The following MADCAM1 variants were observed in gnomAD, a reference collection of about 807,000 sequenced individuals.
The protein encoded by MADCAM1 is mucosal addressin cell adhesion molecule 1.
In MADCAM1, 19 loss-of-function variants were observed where a neutral mutation model predicts 26.1. The observed-to-expected ratio is 0.73, with a 90% CI of 0.51 to 1.07. The LOEUF (loss-of-function observed/expected upper bound fraction) is 1.07, where lower values mean the gene tolerates loss of function less well. MADCAM1 is among the 50% of genes least tolerant of loss of function. MADCAM1 has a pLI of 0.00. For missense variants in MADCAM1, 514 were observed against 542.1 expected, an observed-to-expected ratio of 0.95 and a Z score of 0.51; for synonymous variants, 268 against 260.9, an observed-to-expected ratio of 1.03 and a Z score of -0.26.
In MADCAM1 at chr19:503,837, C is replaced by T. The variant is rs994491221; in HGVS notation, c.929-908C>T. 8.3e-4 allele frequency among the ~76,000 whole-genome samples: 126 copies of T among 152,138 alleles called. 1 individual carries two copies. Among genetic ancestry groups the T allele is most frequent in the African/African-American group, 2.9e-3 (119 of 41,532 alleles). ...GCCAAGGAGGAGGATCACCTGAGGT[C>T]AGGAGTTCGAGACCAGCCTGGCCAA... On this transcript the variant is annotated intron_variant, in intron 4 of 4. Transcript: ENST00000215637.
In MADCAM1 at chr19:501,830, G is replaced by A. The variant is rs1002600698; in HGVS notation, c.829G>A (p.Gly277Ser). The A allele has an allele frequency of 1.7e-5, 25 of 1,486,862 alleles. No homozygotes were observed. The highest frequency in any genetic ancestry group is 2.1e-5 in the Non-Finnish European group (23 of 1,113,408). 92.1% of individuals were successfully genotyped at this position (1,486,862 alleles called of 1,614,324 possible). ...CTCCCCGGAGCCCGCCCCCCAGCAG[G>A]GCTCCACACACACCCCCAGGAGCCC... is the stretch of plus-strand genomic sequence containing the variant. ...KTSPEPAPQQ[G>S]STHTPRSPGS... The change falls in exon 4 of 5, where the codon GGC becomes AGC. Residue 277 changes from glycine (G) to serine (S), a missense_variant. Around this residue, in one of 3 missense-constraint regions of MADCAM1, gnomAD observed 45 missense variants for 91.8 expected, o/e 0.49. Transcript: ENST00000215637.
chr19:500,261 A>T, intron 3 of MADCAM1: 1 of 441,934 alleles, frequency 2.3e-6, no homozygotes, highest in Admixed American at 2.4e-5. Context: ...GAGGAAACTG[A>T]GGCACGTGGA....
intron 3 of MADCAM1, among the ~76,000 whole-genome samples, chr19:500,424 A>G (rs1978315519): frequency 6.6e-6 from 1 of 152,196 alleles, no homozygotes; most frequent in Non-Finnish European, 1.5e-5. Context: ...GACCATGTGG[A>G]TTTCAAAGCA....
intron 4 of MADCAM1, 150 bp downstream of exon 4, chr19:502,079 TC>T: frequency 1.1e-6 from 1 of 910,254 alleles, no homozygotes; most frequent in South Asian, 1.9e-5. Context: ...AGCCTCGGTT[TC>T]CCCATCTGCC....
In MADCAM1 at chr19:505,162, A is replaced by C; in HGVS notation, c.*197A>C. Reference sequence around the variant, plus strand: ...CCACTGTTTGTCTCACCTACCCATGACCTGAAGCCCCTCCCTGAGTGGTCC... The same window carrying C: ...CCACTGTTTGTCTCACCTACCCATGCCCTGAAGCCCCTCCCTGAGTGGTCC... On this transcript the variant is annotated 3_prime_UTR_variant, in exon 5 of 5. Transcript: ENST00000215637. 2.0e-6 allele frequency: 1 copy of C among 507,046 alleles called. No homozygotes were observed. Among genetic ancestry groups the C allele is most frequent in the Admixed American group, 3.5e-5 (1 of 28,472 alleles). The allele number at this position is 507,046 out of a possible 1,614,324, so 31.4% of individuals were successfully genotyped here. A position where few individuals can be genotyped will look rare whatever the true frequency, so the allele number is the denominator to read the frequency against.
chr19:504,727 C>T lies in MADCAM1; in HGVS notation c.929-18C>T, dbSNP rs374757993. On this transcript the variant is annotated intron_variant, in intron 4 of 4. Coordinates refer to ENST00000215637, the MANE Select transcript of MADCAM1 (RefSeq NM_130760.3). The stretch of plus-strand genomic sequence containing the variant: ...GCCTGGAGGGCTCTGACCGGGGTCT[C>T]CTGCACTCTCTCCCCAGCGTCCAAA... The T allele has an allele frequency of 8.2e-6, 13 of 1,582,824 alleles. 1 individual carries two copies. In the African/African-American group the frequency reaches 1.1e-4, roughly 13 times the overall value.
chr19:497,840 C>A lies in MADCAM1; in HGVS notation c.60C>A (p.Ser20=). 7.7e-7 allele frequency: 1 copy of A among 1,306,158 alleles called. No individual in the cohort carries two copies. Among genetic ancestry groups the A allele is most frequent in the Non-Finnish European group, 9.7e-7 (1 of 1,032,702 alleles). 80.9% of individuals were successfully genotyped at this position (1,306,158 alleles called of 1,614,324 possible). A position where few individuals can be genotyped will look rare whatever the true frequency, so the allele number is the denominator to read the frequency against. The change falls in exon 2 of 5, where the codon TCC becomes TCA. Residue 20 remains serine, a synonymous_variant. Transcript: ENST00000215637. The part of the protein sequence containing the change: ...AGLLGLLLGQ[S]LQVKPLQVEP... ...GAGCCGCGGTCGCCGCAGGCCAGTC[C>A]CTCCAGGTGAAGCCCCTGCAGGTGG...
In MADCAM1 at chr19:504,795, G is replaced by C; in HGVS notation, c.979G>C (p.Ala327Pro). 1.2e-6 allele frequency: 2 copies of C among 1,612,812 alleles called. No individual in the cohort carries two copies. The highest frequency in any genetic ancestry group is 8.5e-7 in the Non-Finnish European group (1 of 1,179,782). Residue 327 changes from alanine to proline, a missense_variant, in exon 5 of 5, where the codon GCG becomes CCG. Ala to Pro is a conservative substitution (Grantham distance 27). Coordinates refer to ENST00000215637, the MANE Select transcript of MADCAM1 (RefSeq NM_130760.3). ...QLPAALWTSS[A>P]VLGLLLLALP... ...GCCCGCGGCTCTGTGGACCAGCAGT[G>C]CGGTGCTGGGACTGCTGCTCCTGGC...
intron 4 of MADCAM1, among the ~76,000 whole-genome samples, chr19:503,394 A>T (rs942101390): frequency 6.6e-6 from 1 of 151,428 alleles, no homozygotes; most frequent in Non-Finnish European, 1.5e-5. Context: ...ATCCTGGCTA[A>T]CACGGTGAAA....
rs369774157 is a variant in MADCAM1 at position 503,388 on chromosome 19, T to C, written c.929-1357T>C. Among the ~76,000 whole-genome samples the C allele has an allele frequency of 8.2e-4, 123 of 150,510 alleles. 1 individual carries two copies. Among genetic ancestry groups the C allele is most frequent in the South Asian group, 1.9e-3 (9 of 4,778 alleles). ...CGAGGTCAGGAGATCGAGACCATCC[T>C]GGCTAACACGGTGAAACCCCGTCTC... On this transcript the variant is annotated intron_variant, in intron 4 of 4. Transcript: ENST00000215637.
At chr19:498,253 C>T (rs1978295816) in intron 2 of MADCAM1, 136 bp downstream of exon 2, 3 of 989,194 alleles carry the variant, frequency 3.0e-6, no homozygotes, top group Admixed American at 8.4e-5. Context: ...GCCAGGTCCC[C>T]GGCCTTCGCT....
chr19:501,686 T>TC lies in MADCAM1; in HGVS notation c.689dup (p.Glu231GlyfsTer64). ...GTTTCCAGTCCTGCACAGCCCGACC[T>TC]CCCCGGAGCCTCCCGACACCACCTC... On this transcript the variant is annotated frameshift_variant, in exon 4 of 5. Coordinates refer to ENST00000215637, the MANE Select transcript of MADCAM1 (RefSeq NM_130760.3). LOFTEE classifies it high-confidence loss of function. The TC allele has an allele frequency of 6.3e-7, 1 of 1,593,638 alleles. No individual in the cohort carries two copies. The highest frequency in any genetic ancestry group is 8.5e-7 in the Non-Finnish European group (1 of 1,170,164).
At chr19:501,531 T>C (rs1372046630) in intron 3 of MADCAM1, 138 bp from the exon 4 acceptor site, 3 of 431,138 alleles carry the variant, frequency 7.0e-6, no homozygotes, top group African/African-American at 4.6e-5. Context: ...TAAATGGAAA[T>C]GTGACTCACC....
Position 504,806 on chromosome 19 carries a change from A to C in MADCAM1, c.990A>C (p.Gly330=). The part of the protein sequence containing the change: ...AALWTSSAVL[G]LLLLALPTYH... The stretch of plus-strand genomic sequence containing the variant: ...TGTGGACCAGCAGTGCGGTGCTGGG[A>C]CTGCTGCTCCTGGCCTTGCCCACCT... The change falls in exon 5 of 5, where the codon GGA becomes GGC. Residue 330 remains glycine, a synonymous_variant. Transcript: ENST00000215637. 1 of 1,612,972 alleles carries C rather than the reference A, an allele frequency of 6.2e-7. No individual in the cohort carries two copies. The highest frequency in any genetic ancestry group is 8.5e-7 in the Non-Finnish European group (1 of 1,179,948).
In MADCAM1 at chr19:498,096, A is replaced by G; in HGVS notation, c.316A>G (p.Thr106Ala). The change falls in exon 2 of 5, where the codon ACC (threonine) becomes GCC (alanine). Residue 106 changes from threonine (T) to alanine (A), a missense_variant. Coordinates refer to ENST00000215637, the MANE Select transcript of MADCAM1 (RefSeq NM_130760.3). ...CTGCGGGGGCCGCACCTTCCAGCAC[A>G]CCGTGCAGCTCCTTGTGTACGGTGA... ...GSCGGRTFQH[T>A]VQLLVYAFPD... 1 of 1,426,062 alleles carries G rather than the reference A, an allele frequency of 7.0e-7. No homozygotes were observed. The highest frequency in any genetic ancestry group is 1.5e-5 in the South Asian group (1 of 67,480). 88.3% of individuals were successfully genotyped at this position (1,426,062 alleles called of 1,614,324 possible). A position where few individuals can be genotyped will look rare whatever the true frequency, so the allele number is the denominator to read the frequency against.
Position 498,052 on chromosome 19 carries a change from C to A in MADCAM1, c.272C>A (p.Thr91Asn). 6.8e-7 allele frequency: 1 copy of A among 1,480,310 alleles called. No individual in the cohort carries two copies. The allele number at this position is 1,480,310 out of a possible 1,614,324, so 91.7% of individuals were successfully genotyped here. Residue 91 changes from threonine to asparagine, a missense_variant, in exon 2 of 5, where the codon ACC becomes AAC. Physicochemically the swap from Thr to Asn is moderately conservative, Grantham distance 65. Around this residue, in one of 3 missense-constraint regions of MADCAM1, gnomAD observed 317 missense variants for 313.6 expected, o/e 1.01. Coordinates refer to ENST00000215637, the MANE Select transcript of MADCAM1 (RefSeq NM_130760.3). ...VRNASLSAAG[T>N]RVCVGSCGGR... ...AACGCCTCGCTGTCGGCGGCCGGGA[C>A]CCGCGTGTGCGTGGGCTCCTGCGGG... is the stretch of plus-strand genomic sequence containing the variant.
Position 501,656 on chromosome 19 carries a change from ACT to A in MADCAM1, c.668-10_668-9del. 3 of 1,563,976 alleles carry A rather than the reference ACT, an allele frequency of 1.9e-6. No homozygotes were observed. The highest frequency in any genetic ancestry group is 1.2e-5 in the South Asian group (1 of 83,940). ...CAGCAGAGAGGAAAAAAAAACCCTC[ACT>A]CTGTTTCCAGTCCTGCACAGCCCGA... On this transcript the variant is annotated splice_polypyrimidine_tract_variant and intron_variant, in intron 3 of 4. Transcript: ENST00000215637.
At chr19:502,038 GT>G (rs1978373703) in intron 4 of MADCAM1, 109 bp downstream of exon 4, 1 of 1,189,348 alleles carries the variant, frequency 8.4e-7, no homozygotes, top group Non-Finnish European at 1.1e-6. Flanking sequence ...TGGTTTCCCC[GT>G]CTGCCCAGCC....
chr19:499,173 G>GGCCTCCTC (rs991901488), intron 3 of MADCAM1: 1 of 529,578 alleles, frequency 1.9e-6, no homozygotes, highest in Non-Finnish European at 3.6e-6. Flanking sequence ...CAGCCACACG[G>GGCCTCCTC]GCCTCCTCGC....
Sources: gnomAD v4.1 joint callset for allele counts (sites outside exome capture counted in the v4.1 genomes callset) on GRCh38, gnomAD v4.1.1 for gene constraint, gnomAD v4.1.1 regional missense constraint, MANE v1.5 for transcripts, NCBI Gene and HGNC (gene_info 2026-07-23, HGNC 2026-07-21) for gene names.